RAB38: variants seen among roughly 807,000 people sequenced by gnomAD.
The protein encoded by RAB38 is RAB38, member RAS oncogene family.
Under a neutral mutation model 18.4 loss-of-function variants are expected in RAB38, and 15 were observed. The observed-to-expected ratio is 0.82, with a 90% CI of 0.55 to 1.26. The LOEUF (loss-of-function observed/expected upper bound fraction) is 1.26. Ranked by LOEUF, RAB38 falls within the 50% of genes most tolerant of loss-of-function variation. The pLI is 0.00. For synonymous variants in RAB38, 101 were observed against 104.4 expected, an observed-to-expected ratio of 0.97 and a Z score of 0.20; for missense variants, 294 against 267.4, an observed-to-expected ratio of 1.10 and a Z score of -0.69.
At chr11:87,863,543 A>G in the RAB38 span, among the ~76,000 whole-genome samples, 1 of 148,702 alleles carries the variant, frequency 6.7e-6, no homozygotes, top group African/African-American at 2.6e-5. Context: ...GCAGAAATAC[A>G]TGAAAACAGA....
At chr11:87,836,389 A>AT in the RAB38 span, among the ~76,000 whole-genome samples, 4,547 of 151,406 alleles carry the variant, frequency 0.03, 140 homozygotes, top group African/African-American at 0.079. Context: ...AAACCTGAGT[A>AT]TTTTTTTTTA....
At chr11:87,960,388 G>A in the RAB38 span, among the ~76,000 whole-genome samples, 122,416 of 141,982 alleles carry the variant, frequency 0.86, 52,530 homozygotes, top group Admixed American at 0.92. Context: ...ACAAAAAAAA[G>A]AAAAAAAGAG....
chr11:88,149,815 G>A lies in RAB38; in HGVS notation c.343C>T (p.Pro115Ser), dbSNP rs372769467. The change falls in exon 2 of 3, where the codon CCT becomes TCT. Residue 115 changes from proline (P) to serine (S), a missense_variant. Coordinates refer to ENST00000243662, the MANE Select transcript of RAB38 (RefSeq NM_022337.3). Reference protein sequence around the residue: ...KNDLDSKLSLPNGKPVSVVLL... With the variant: ...KNDLDSKLSLSNGKPVSVVLL... ...ACCACTGAAACCGGTTTGCCATTAG[G>A]GAGACTTAACTTGGAGTCCAAATCA... is the stretch of plus-strand genomic sequence containing the variant. 1 of 1,613,802 alleles carries A rather than the reference G, an allele frequency of 6.2e-7. No individual in the cohort carries two copies. Among genetic ancestry groups the A allele is most frequent in the African/African-American group, 1.3e-5 (1 of 74,844 alleles).
At chr11:87,909,995 G>C in the RAB38 span, among the ~76,000 whole-genome samples, 2 of 152,012 alleles carry the variant, frequency 1.3e-5, no homozygotes, top group Non-Finnish European at 2.9e-5. Flanking sequence ...GTGTTTTTCA[G>C]CGTGGTTAGA....
chr11:88,024,349 C>T, the RAB38 span, among the ~76,000 whole-genome samples: 2 of 152,128 alleles, frequency 1.3e-5, no homozygotes, highest in Admixed American at 1.3e-4. Flanking sequence ...CACCTCACCC[C>T]AGTTAAAATG....
chr11:87,934,119 C>G, the RAB38 span, among the ~76,000 whole-genome samples: 1 of 152,118 alleles, frequency 6.6e-6, no homozygotes, highest in East Asian at 1.9e-4. Flanking sequence ...CAGTGAAGCA[C>G]TTCAGTATAA....
intron 1 of RAB38, chr11:88,167,071 G>T (rs1018297774): frequency 9.2e-5 from 14 of 152,100 alleles, no homozygotes; most frequent in African/African-American, 3.4e-4. Flanking sequence ...TTTCTATCTG[G>T]AGTAATCATG....
chr11:87,906,291 G>C, the RAB38 span, among the ~76,000 whole-genome samples: 1 of 151,866 alleles, frequency 6.6e-6, no homozygotes. Flanking sequence ...CTAAGTGCTG[G>C]CATTGGTCCT....
the RAB38 span, among the ~76,000 whole-genome samples, chr11:88,021,541 G>T: frequency 6.6e-6 from 1 of 151,358 alleles, no homozygotes; most frequent in Non-Finnish European, 1.5e-5. Flanking sequence ...TACTCAAACT[G>T]TTCCTAAAAA....
At chr11:88,037,793 G>T in the RAB38 span, among the ~76,000 whole-genome samples, 1,864 of 152,070 alleles carry the variant, frequency 0.012, 40 homozygotes, top group African/African-American at 0.043. Flanking sequence ...GTATTCCATT[G>T]TAAAGATATA....
chr11:87,969,137 G>A, the RAB38 span, among the ~76,000 whole-genome samples: 1 of 152,042 alleles, frequency 6.6e-6, no homozygotes. Context: ...CAAGGAAGAA[G>A]ATAAAAAGTT....
At chr11:88,094,234 T>C in the RAB38 span, among the ~76,000 whole-genome samples, 1 of 151,892 alleles carries the variant, frequency 6.6e-6, no homozygotes, top group Non-Finnish European at 1.5e-5. Context: ...CTCCAATTCC[T>C]AGATAGATAC....
chr11:87,822,803 G>C, the RAB38 span, among the ~76,000 whole-genome samples: 1 of 152,130 alleles, frequency 6.6e-6, no homozygotes, highest in Admixed American at 6.6e-5. Flanking sequence ...ATCATTGGAG[G>C]TTGCCTACCC....
the RAB38 span, among the ~76,000 whole-genome samples, chr11:88,066,343 T>A: frequency 6.6e-6 from 1 of 152,158 alleles, no homozygotes; most frequent in South Asian, 2.1e-4. Context: ...ATAGAATATA[T>A]CCTGGGTCTC....
chr11:88,090,023 G>A, the RAB38 span, among the ~76,000 whole-genome samples: 25 of 152,002 alleles, frequency 1.6e-4, no homozygotes, highest in African/African-American at 5.8e-4. Flanking sequence ...ACTCTGGAGA[G>A]GGTGTTAGCC....
At chr11:88,016,558 G>A in the RAB38 span, among the ~76,000 whole-genome samples, 1 of 152,060 alleles carries the variant, frequency 6.6e-6, no homozygotes, top group Non-Finnish European at 1.5e-5. Context: ...CTTCCTAACA[G>A]ACCTTGATAA....
the RAB38 span, chr11:87,917,944 T>C: frequency 6.6e-6 from 1 of 152,066 alleles, no homozygotes; most frequent in South Asian, 2.1e-4. Flanking sequence ...GCAAAAACAA[T>C]AGAAATTACA....
chr11:87,918,236 G>C, the RAB38 span, among the ~76,000 whole-genome samples: 1 of 152,044 alleles, frequency 6.6e-6, no homozygotes, highest in African/African-American at 2.4e-5. Context: ...TTGTATAGCT[G>C]AATAGTACTT....
At chr11:88,120,459 T>C (rs1393818258) in intron 2 of RAB38, among the ~76,000 whole-genome samples, 1 of 152,188 alleles carries the variant, frequency 6.6e-6, no homozygotes, top group Admixed American at 6.5e-5. Flanking sequence ...AAGGCGTACA[T>C]GGTGAATGTG....
Sources: gnomAD v4.1 joint callset for allele counts (sites outside exome capture counted in the v4.1 genomes callset) on GRCh38, gnomAD v4.1.1 for gene constraint, MANE v1.5 for transcripts, NCBI Gene and HGNC (gene_info 2026-07-23, HGNC 2026-07-21) for gene names.